ADD2: variants seen among roughly 807,000 people sequenced by gnomAD.
ADD2 encodes beta-adducin.
In ADD2, 23 loss-of-function variants were observed where a neutral mutation model predicts 83.0. The ratio of observed to expected loss-of-function variants is 0.28; its 90% CI spans 0.20 to 0.39. The LOEUF (loss-of-function observed/expected upper bound fraction) is 0.39, where lower values mean the gene tolerates loss of function less well. ADD2 is among the 10% of genes least tolerant of loss of function. The pLI is 1.00. For missense variants in ADD2, 758 were observed against 944.9 expected, an observed-to-expected ratio of 0.80 and a Z score of 2.59; for synonymous variants, 375 against 375.4, an observed-to-expected ratio of 1.00 and a Z score of 0.01.
chr2:70,666,559 G>C (rs1675808965), intron 15 of ADD2, among the ~76,000 whole-genome samples: 1 of 152,200 alleles, frequency 6.6e-6, no homozygotes, highest in African/African-American at 2.4e-5. Context: ...AAGATGGTTG[G>C]GGCACTTGCC....
rs782592217 is a variant in ADD2, at chr2:70,692,454, C to T, written c.654G>A (p.Ala218=). ...GGATGATGCAGCGCACGTCGGGCCT[C>T]GCTGCATAGATGGCCGAGTGCAGAC... ...GFCLHSAIYA[A]RPDVRCIIHL... is the part of the protein sequence containing the mutation. Residue 218 remains alanine (A), a synonymous_variant, in exon 7 of 16, where the codon GCG becomes GCA. Coordinates refer to ENST00000264436, the MANE Select transcript of ADD2 (RefSeq NM_001617.4). The T allele has an allele frequency of 3.0e-5, 48 of 1,611,898 alleles. No homozygotes were observed. The highest frequency in any genetic ancestry group is 6.7e-5 in the Admixed American group (4 of 59,716).
At position 70,657,484 on chromosome 2, in the gene ADD2, G is replaced by C. The variant is rs1385033315; in HGVS notation, c.*5941C>G. On this transcript the variant is annotated 3_prime_UTR_variant, in exon 16 of 16. Coordinates refer to ENST00000264436, the MANE Select transcript of ADD2 (RefSeq NM_001617.4). ...CATAAATTGCAGGAATTTAAAGGTG[G>C]GGCAGTCCTTGGGTATCAATCAATC... 1 of 152,112 alleles carries C rather than the reference G, an allele frequency of 6.6e-6. No homozygotes were observed. The highest frequency in any genetic ancestry group is 1.5e-5 in the Non-Finnish European group (1 of 68,038). The allele number at this position is 152,112 out of a possible 1,614,324, so 9.4% of individuals were successfully genotyped here. A position where few individuals can be genotyped will look rare whatever the true frequency, so the allele number is the denominator to read the frequency against.
At chr2:70,692,199 G>C (rs1318728284) in intron 7 of ADD2, among the ~76,000 whole-genome samples, 1 of 152,230 alleles carries the variant, frequency 6.6e-6, no homozygotes, top group East Asian at 1.9e-4. Flanking sequence ...GGGATGCGAT[G>C]GAACAGACAT....
intron 4 of ADD2, among the ~76,000 whole-genome samples, chr2:70,701,025 A>G (rs1553373434): frequency 6.6e-6 from 1 of 152,062 alleles, no homozygotes; most frequent in African/African-American, 2.4e-5. Flanking sequence ...TATCAGGGTA[A>G]AAAAGAGAGA....
At chr2:70,707,359 C>T (rs1671957783) in intron 2 of ADD2, among the ~76,000 whole-genome samples, 1 of 152,230 alleles carries the variant, frequency 6.6e-6, no homozygotes, top group Non-Finnish European at 1.5e-5. Flanking sequence ...CCACGTGCTG[C>T]GTGTAAACCT....
Position 70,767,916 on chromosome 2 carries a change from C to A in ADD2, c.-184G>T. 1.3e-6 allele frequency: 2 copies of A among 1,535,958 alleles called. No homozygotes were observed. Among genetic ancestry groups the A allele is most frequent in the Middle Eastern group, 1.7e-4 (1 of 5,988 alleles). Reference sequence around the variant, plus strand: ...GCGCGGCATCTTAGCTATCTCCGGTCGGCCACTGCGGGTTGGTTTTGTTAT... The same window carrying A: ...GCGCGGCATCTTAGCTATCTCCGGTAGGCCACTGCGGGTTGGTTTTGTTAT... On this transcript the variant is annotated 5_prime_UTR_variant, in exon 1 of 16. Coordinates refer to ENST00000264436, the MANE Select transcript of ADD2 (RefSeq NM_001617.4).
intron 1 of ADD2, among the ~76,000 whole-genome samples, chr2:70,738,744 A>C (rs782477461): frequency 6.6e-6 from 1 of 152,220 alleles, no homozygotes; most frequent in African/African-American, 2.4e-5. Context: ...TGGGTGTGGG[A>C]GTCAGACAAA....
At chr2:70,752,446 T>C (rs1674554907) in intron 1 of ADD2, among the ~76,000 whole-genome samples, 1 of 152,280 alleles carries the variant, frequency 6.6e-6, no homozygotes, top group Admixed American at 6.5e-5. Context: ...TAAATATAAA[T>C]ATATGTCATT....
At chr2:70,734,349 C>G (rs1410980245) in intron 1 of ADD2, among the ~76,000 whole-genome samples, 1 of 152,040 alleles carries the variant, frequency 6.6e-6, no homozygotes. Context: ...ACATCTACCC[C>G]CACCCCTCAC....
chr2:70,698,572 G>T (rs1278475761), intron 4 of ADD2, among the ~76,000 whole-genome samples: 1 of 152,156 alleles, frequency 6.6e-6, no homozygotes, highest in Non-Finnish European at 1.5e-5. Context: ...AAAAGACGTG[G>T]AATGCTCCCA....
chr2:70,688,310 C>G (rs190845594), intron 8 of ADD2, among the ~76,000 whole-genome samples, 188 bp from the exon 9 acceptor site: 17 of 152,330 alleles, frequency 1.1e-4, no homozygotes, highest in African/African-American at 3.8e-4. Flanking sequence ...AAGCATCTAC[C>G]CTAAGAAATT....
intron 2 of ADD2, among the ~76,000 whole-genome samples, chr2:70,707,295 A>AAAC: frequency 6.6e-6 from 1 of 152,368 alleles, no homozygotes; most frequent in Non-Finnish European, 1.5e-5. Flanking sequence ...TCATGTTGAG[A>AAAC]AACAACAACT....
Position 70,676,379 on chromosome 2 carries a change from C to T in ADD2, c.1593+417G>A. 1 of 1,112,168 alleles carries T rather than the reference C, an allele frequency of 9.0e-7. No homozygotes were observed. The allele number at this position is 1,112,168 out of a possible 1,614,324, so 68.9% of individuals were successfully genotyped here. On this transcript the variant is annotated intron_variant, in intron 13 of 15. Transcript: ENST00000264436. This position sits in a 1 kb window ranked among gnomAD's most constrained non-coding sequence, Gnocchi z 4.8. ...GGTACATGATCATCTTTCCAGAGCTCTGGTTGGATGATGTCATACCAGGCT... is the reference window on the plus strand; with the variant it reads ...GGTACATGATCATCTTTCCAGAGCTTTGGTTGGATGATGTCATACCAGGCT...
At chr2:70,735,946 G>C (rs1553380089) in intron 1 of ADD2, among the ~76,000 whole-genome samples, 1 of 136,812 alleles carries the variant, frequency 7.3e-6, no homozygotes, top group African/African-American at 2.8e-5. Flanking sequence ...CAAATAATCT[G>C]CCTGCCTTGG....
chr2:70,734,920 A>G (rs2104478466), intron 1 of ADD2, among the ~76,000 whole-genome samples: 1 of 152,316 alleles, frequency 6.6e-6, no homozygotes, highest in East Asian at 1.9e-4. Flanking sequence ...TAGCCCTGGA[A>G]GAACTTGTGT....
chr2:70,755,679 T>C (rs942816388), intron 1 of ADD2, among the ~76,000 whole-genome samples: 10 of 152,336 alleles, frequency 6.6e-5, no homozygotes, highest in African/African-American at 2.4e-4. Flanking sequence ...ATGCACATTT[T>C]CTTAAATATT....
intron 1 of ADD2, among the ~76,000 whole-genome samples, chr2:70,756,199 A>C (rs1332186812): frequency 1.2e-4 from 18 of 152,126 alleles, no homozygotes; most frequent in African/African-American, 4.3e-4. Context: ...AGCGGTCCCC[A>C]GTCAGGCACT....
At chr2:70,675,786 A>G (rs1440568398) in intron 13 of ADD2, 2 of 985,324 alleles carry the variant, frequency 2.0e-6, no homozygotes, top group African/African-American at 3.5e-5. Flanking sequence ...CGAGAATCCA[A>G]GACCAAAAAC....
chr2:70,676,790 C>T lies in ADD2; in HGVS notation c.1593+6G>A, dbSNP rs1195576765. 6.2e-7 allele frequency: 1 copy of T among 1,614,206 alleles called. No individual in the cohort carries two copies. Among genetic ancestry groups the T allele is most frequent in the Non-Finnish European group, 8.5e-7 (1 of 1,180,020 alleles). ...CCCCGCCAGTCAGGGGCAGCCTCTGCTCTACCGGGCTTCGGCTCTTCTCGG... is the reference window on the plus strand; with the variant it reads ...CCCCGCCAGTCAGGGGCAGCCTCTGTTCTACCGGGCTTCGGCTCTTCTCGG... On this transcript the variant is annotated splice_donor_region_variant and intron_variant, in intron 13 of 15. Coordinates refer to ENST00000264436, the MANE Select transcript of ADD2 (RefSeq NM_001617.4). The surrounding 1 kb of genome is among the most constrained non-coding windows in gnomAD (Gnocchi z 4.8).
Sources: allele counts gnomAD v4.1 joint callset (sites outside exome capture counted in the v4.1 genomes callset), GRCh38; gene constraint gnomAD v4.1.1; non-coding constraint Gnocchi (gnomAD v3.1); transcripts MANE v1.5; gene names NCBI Gene and HGNC (gene_info 2026-07-23, HGNC 2026-07-21).